FRYL: variants seen among roughly 807,000 people sequenced by gnomAD.
FRYL encodes protein furry homolog-like.
Under a neutral mutation model 351.2 loss-of-function variants are expected in FRYL, and 150 were observed. The observed-to-expected ratio is 0.43, with a 90% CI of 0.37 to 0.49. The LOEUF is 0.49. FRYL is among the 20% of genes least tolerant of loss of function. The pLI is 0.00. For missense variants in FRYL, 3,036 were observed against 3,619.3 expected, an observed-to-expected ratio of 0.84 and a Z score of 4.13; for synonymous variants, 1,153 against 1,257.1, an observed-to-expected ratio of 0.92 and a Z score of 1.75.
Position 48,620,788 on chromosome 4 carries a change from C to T in FRYL, c.175-10G>A, listed in dbSNP as rs375590868. ...TCATAGAGCTTATCAACTGAAAACA[C>T]AAGATATTACCAGAAAATAAATTGT... is the stretch of plus-strand genomic sequence containing the variant. On this transcript the variant is annotated splice_polypyrimidine_tract_variant and intron_variant, in intron 5 of 63. Transcript: ENST00000358350. 12 of 1,607,656 alleles carry T rather than the reference C, an allele frequency of 7.5e-6. No individual in the cohort carries two copies. The highest frequency in any genetic ancestry group is 4.0e-5 in the African/African-American group (3 of 74,758).
intron 3 of FRYL, among the ~76,000 whole-genome samples, chr4:48,683,045 A>G (rs1764796625): frequency 6.6e-6 from 1 of 152,148 alleles, no homozygotes; most frequent in Non-Finnish European, 1.5e-5. Flanking sequence ...TAAACTGGAG[A>G]AAAGAAAATG....
At chr4:48,592,107 TA>T (rs1743499862) in intron 16 of FRYL, among the ~76,000 whole-genome samples, 5 of 99,778 alleles carry the variant, frequency 5.0e-5, no homozygotes, top group South Asian at 3.1e-4. Flanking sequence ...TATATATATA[TA>T]TATATATTTT....
At chr4:48,502,506 C>T (rs549878222) in intron 61 of FRYL, among the ~76,000 whole-genome samples, 1 of 149,700 alleles carries the variant, frequency 6.7e-6, no homozygotes, top group East Asian at 2.0e-4. Flanking sequence ...GATCATGCCA[C>T]TGCCCTCCAA....
rs1719234116 is a variant in FRYL, at chr4:48,500,197, A to G, written c.8616T>C (p.Leu2872=). 1.9e-6 allele frequency: 3 copies of G among 1,588,548 alleles called. No individual in the cohort carries two copies. Among genetic ancestry groups the G allele is most frequent in the Non-Finnish European group, 2.6e-6 (3 of 1,174,190 alleles). ...EAEVINMSEE[L]AQLESILKEA... ...CTTTGAGGATACTTTCCAGTTGGGCAAGTTCCTCTGACATGTTGATGACCT... is the reference window on the plus strand; with the variant it reads ...CTTTGAGGATACTTTCCAGTTGGGCGAGTTCCTCTGACATGTTGATGACCT... Residue 2872 remains leucine (L), a synonymous_variant, in exon 63 of 64, where the codon CTT becomes CTC. Transcript: ENST00000358350.
At chr4:48,645,335 C>T (rs745472736) in intron 3 of FRYL, among the ~76,000 whole-genome samples, 9 of 151,710 alleles carry the variant, frequency 5.9e-5, no homozygotes, top group Non-Finnish European at 8.8e-5. Context: ...TAAATTTCTT[C>T]GATCTTCAGG....
At chr4:48,514,181 C>T (rs1467870314) in intron 56 of FRYL, among the ~76,000 whole-genome samples, 4 of 151,760 alleles carry the variant, frequency 2.6e-5, no homozygotes, top group African/African-American at 9.7e-5. Context: ...CTGAAATACT[C>T]GATAATTATT....
chr4:48,614,789 C>T (rs1392315975), intron 7 of FRYL, among the ~76,000 whole-genome samples: 2 of 145,972 alleles, frequency 1.4e-5, no homozygotes, highest in East Asian at 4.0e-4. Context: ...AAGGCTATTT[C>T]CACTACCACT....
intron 1 of FRYL, among the ~76,000 whole-genome samples, chr4:48,769,502 C>A (rs1416962086): frequency 6.6e-6 from 1 of 152,172 alleles, no homozygotes; most frequent in Admixed American, 6.5e-5. Flanking sequence ...TGAAAACATA[C>A]AGCCACTTTG....
intron 4 of FRYL, among the ~76,000 whole-genome samples, chr4:48,626,507 T>C (rs543529489): frequency 3.9e-5 from 6 of 152,156 alleles, no homozygotes; most frequent in African/African-American, 1.4e-4. Context: ...TAACTTAAAA[T>C]AGCATGTATG....
At chr4:48,540,133 TA>T (rs1729839805) in intron 46 of FRYL, 65 bp from the exon 47 acceptor site, 1 of 1,339,204 alleles carries the variant, frequency 7.5e-7, no homozygotes, top group Non-Finnish European at 1.0e-6. Flanking sequence ...AAGTTAAAGT[TA>T]TTTTTTTAGA....
intron 23 of FRYL, among the ~76,000 whole-genome samples, chr4:48,577,112 T>C (rs1454605476): frequency 6.6e-6 from 1 of 152,224 alleles, no homozygotes; most frequent in Non-Finnish European, 1.5e-5. Flanking sequence ...TTCCCTATTA[T>C]ACACAATACT....
At chr4:48,730,332 A>T (rs2149624962) in intron 1 of FRYL, among the ~76,000 whole-genome samples, 1 of 152,340 alleles carries the variant, frequency 6.6e-6, no homozygotes, top group South Asian at 2.1e-4. Flanking sequence ...ATCCAGGAGA[A>T]CTTCCCCAAC....
In FRYL at chr4:48,727,401, T is replaced by A. The variant is rs1462911713; in HGVS notation, c.-383-16703A>T. The A allele has an allele frequency of 4.6e-5, 7 of 152,244 alleles. No individual in the cohort carries two copies. In the East Asian group the frequency reaches 1.4e-3, roughly 29 times the overall value. 9.4% of individuals were successfully genotyped at this position (152,244 alleles called of 1,614,324 possible). A position where few individuals can be genotyped will look rare whatever the true frequency, so the allele number is the denominator to read the frequency against. On this transcript the variant is annotated intron_variant, in intron 1 of 63. Coordinates refer to ENST00000358350, the MANE Select transcript of FRYL (RefSeq NM_015030.2). ...CACTGCCCCCCAAATTGGAGGGACA[T>A]ACAGAAGGATACAGAGAATCACAAC... is the stretch of plus-strand genomic sequence containing the variant.
intron 3 of FRYL, among the ~76,000 whole-genome samples, chr4:48,639,095 T>C (rs1217326803): frequency 6.6e-6 from 1 of 151,812 alleles, no homozygotes; most frequent in African/African-American, 2.4e-5. Context: ...TCCCAGAACT[T>C]AAAGTATAAT....
At chr4:48,581,703 A>G in intron 20 of FRYL, 98 bp from the exon 21 acceptor site, 1 of 966,136 alleles carries the variant, frequency 1.0e-6, no homozygotes, top group South Asian at 1.9e-5. Flanking sequence ...AGTGATTATG[A>G]CTACCGGTCT....
chr4:48,528,162 ATTCT>A lies in FRYL; in HGVS notation c.7065+9_7065+12del. The A allele has an allele frequency of 1.2e-6, 2 of 1,608,080 alleles. No homozygotes were observed. Among genetic ancestry groups the A allele is most frequent in the Non-Finnish European group, 1.7e-6 (2 of 1,176,282 alleles). Reference sequence around the variant, plus strand: ...TGTTCTATGAATGTTCCATTTTGATATTCTTTATGTACCTGTGATAACTGTGGCC... The same window carrying A: ...TGTTCTATGAATGTTCCATTTTGATATTATGTACCTGTGATAACTGTGGCC... On this transcript the variant is annotated intron_variant, in intron 51 of 63. Coordinates refer to ENST00000358350, the MANE Select transcript of FRYL (RefSeq NM_015030.2).
At chr4:48,697,403 C>T (rs909268892) in intron 2 of FRYL, among the ~76,000 whole-genome samples, 10 of 152,102 alleles carry the variant, frequency 6.6e-5, no homozygotes, top group Non-Finnish European at 1.5e-4. Context: ...TTTACAGGTG[C>T]CAATTTTAAA....
At position 48,594,292 on chromosome 4, in the gene FRYL, A is replaced by C. The variant is rs180912616; in HGVS notation, c.1249-276T>G. Reference sequence around the variant, plus strand: ...TTAAAATCAAAGTGAAAGAATTCCCAGGGTGACAATGAAAGGAAGTCCCAA... The same window carrying C: ...TTAAAATCAAAGTGAAAGAATTCCCCGGGTGACAATGAAAGGAAGTCCCAA... On this transcript the variant is annotated intron_variant, in intron 15 of 63. Coordinates refer to ENST00000358350, the MANE Select transcript of FRYL (RefSeq NM_015030.2). Among the ~76,000 whole-genome samples, 452 of 152,284 alleles carry C rather than the reference A, an allele frequency of 3.0e-3. 8 individuals carry two copies. Among genetic ancestry groups the C allele is most frequent in the Admixed American group, 0.026 (401 of 15,300 alleles).
intron 3 of FRYL, among the ~76,000 whole-genome samples, chr4:48,654,308 A>C (rs1035850496): frequency 4.0e-5 from 6 of 151,498 alleles, no homozygotes; most frequent in South Asian, 2.1e-4. Flanking sequence ...CAAAAAAAAA[A>C]AAAAAACAAA....
Sources: gnomAD v4.1 joint callset for allele counts (sites outside exome capture counted in the v4.1 genomes callset) on GRCh38, gnomAD v4.1.1 for gene constraint, MANE v1.5 for transcripts, NCBI Gene and HGNC (gene_info 2026-07-23, HGNC 2026-07-21) for gene names.